MAN2A1: variants seen among roughly 807,000 people sequenced by gnomAD.
MAN2A1 encodes the protein mannosidase alpha class 2A member 1.
A neutral mutation model predicts 142.6 loss-of-function variants in MAN2A1; 76 were observed. The observed-to-expected ratio is 0.53, with a 90% CI of 0.44 to 0.65. MAN2A1 has a LOEUF of 0.65. MAN2A1 is among the 30% of genes least tolerant of loss of function. The pLI is 0.00. For missense variants in MAN2A1, 1,311 were observed against 1,365.1 expected (o/e 0.96, Z 0.62); for synonymous variants, 559 against 473.2 (o/e 1.18, Z -2.35).
At chr5:109,793,977 TC>T (rs1753799147) in intron 12 of MAN2A1, among the ~76,000 whole-genome samples, 1 of 152,194 alleles carries the variant, frequency 6.6e-6, no homozygotes. Context: ...TTTTTTCTTT[TC>T]TTATGTTATC....
intron 16 of MAN2A1, among the ~76,000 whole-genome samples, chr5:109,830,935 G>A (rs1273217843): frequency 4.6e-5 from 7 of 152,212 alleles, no homozygotes; most frequent in Admixed American, 4.6e-4. Flanking sequence ...GCAGCTGATT[G>A]TTGAAGCCAT....
chr5:109,692,341 A>G (rs532280327), intron 1 of MAN2A1, among the ~76,000 whole-genome samples: 1 of 152,284 alleles, frequency 6.6e-6, no homozygotes, highest in South Asian at 2.1e-4. Flanking sequence ...GAGGTGGAAC[A>G]TTTTGCATTT....
At chr5:109,833,890 T>C (rs1254503523) in intron 16 of MAN2A1, among the ~76,000 whole-genome samples, 2 of 152,190 alleles carry the variant, frequency 1.3e-5, no homozygotes, top group Non-Finnish European at 2.9e-5. Flanking sequence ...AAGCAAGCAA[T>C]TGGAAACCAT....
At chr5:109,805,301 G>A (rs1340171391) in intron 12 of MAN2A1, among the ~76,000 whole-genome samples, 1 of 152,116 alleles carries the variant, frequency 6.6e-6, no homozygotes. Flanking sequence ...TTTCTGTTGT[G>A]TACTGGAAAT....
intron 12 of MAN2A1, among the ~76,000 whole-genome samples, chr5:109,796,698 C>G (rs988487668): frequency 1.3e-5 from 2 of 152,166 alleles, no homozygotes; most frequent in Non-Finnish European, 2.9e-5. Context: ...GAAGCCTTCC[C>G]TTTGTTCAGA....
chr5:109,699,443 T>C (rs1020964212), intron 1 of MAN2A1: 11 of 152,224 alleles, frequency 7.2e-5, no homozygotes, highest in Non-Finnish European at 1.5e-4. Flanking sequence ...CATGTAGTTT[T>C]GAAAATTGCA....
At chr5:109,836,314 G>A (rs1299543168) in intron 16 of MAN2A1, among the ~76,000 whole-genome samples, 6 of 151,546 alleles carry the variant, frequency 4.0e-5, no homozygotes, top group Admixed American at 6.6e-5. Context: ...ACAGTGTTTC[G>A]CTATGTTGGG....
In MAN2A1 at chr5:109,824,428, G is replaced by A. The variant is rs1016700782; in HGVS notation, c.2566+591G>A. ...CCCTGGGCAATGGAACTGATTCCAT[G>A]GGGTCTGAGTGGAGCTGTGGTTTCC... On this transcript the variant is annotated intron_variant, in intron 16 of 21. Transcript: ENST00000261483. Among the ~76,000 whole-genome samples the A allele has an allele frequency of 3.3e-5, 5 of 152,282 alleles. No individual in the cohort carries two copies. In the East Asian group the frequency reaches 9.6e-4, roughly 29 times the overall value.
At chr5:109,723,571 T>A (rs1347617924) in intron 3 of MAN2A1, among the ~76,000 whole-genome samples, 1 of 152,214 alleles carries the variant, frequency 6.6e-6, no homozygotes, top group Non-Finnish European at 1.5e-5. Flanking sequence ...TTTCTCTGCT[T>A]CTACTTTGCC....
intron 3 of MAN2A1, among the ~76,000 whole-genome samples, chr5:109,728,772 A>G (rs1751818149): frequency 6.6e-6 from 1 of 152,152 alleles, no homozygotes; most frequent in Non-Finnish European, 1.5e-5. Context: ...TTTGGGAACA[A>G]ATGCCTGTAT....
intron 12 of MAN2A1, among the ~76,000 whole-genome samples, chr5:109,805,628 C>G (rs939597773): frequency 2.0e-5 from 3 of 152,170 alleles, no homozygotes; most frequent in Non-Finnish European, 4.4e-5. Flanking sequence ...AGGACTGATT[C>G]TAGCCCCATC....
chr5:109,735,474 T>G (rs1207696769), intron 4 of MAN2A1, among the ~76,000 whole-genome samples: 1 of 152,206 alleles, frequency 6.6e-6, no homozygotes, highest in Non-Finnish European at 1.5e-5. Context: ...GCCTCGATGG[T>G]CTTTACAATT....
rs758662846 is a variant in MAN2A1 at position 109,774,969 on chromosome 5, A to T, written c.1374+4A>T. The T allele has an allele frequency of 6.4e-7, 1 of 1,568,346 alleles. No individual in the cohort carries two copies. The highest frequency in any genetic ancestry group is 1.2e-5 in the South Asian group (1 of 86,432). Reference sequence around the variant, plus strand: ...TCAGTCCAAGTTTAAAGTTAAGGTAAGGAGAAAATATTTATGATTCCGTAT... The same window carrying T: ...TCAGTCCAAGTTTAAAGTTAAGGTATGGAGAAAATATTTATGATTCCGTAT... On this transcript the variant is annotated splice_donor_region_variant and intron_variant, in intron 8 of 21. Coordinates refer to ENST00000261483, the MANE Select transcript of MAN2A1 (RefSeq NM_002372.4).
chr5:109,745,979 TG>T (rs1752393815), intron 4 of MAN2A1, among the ~76,000 whole-genome samples: 1 of 152,204 alleles, frequency 6.6e-6, no homozygotes, highest in African/African-American at 2.4e-5. Flanking sequence ...TACTTTTTTT[TG>T]TTTGTTTTGT....
chr5:109,809,984 A>G (rs1050309090), intron 12 of MAN2A1, among the ~76,000 whole-genome samples: 1 of 151,742 alleles, frequency 6.6e-6, no homozygotes, highest in Non-Finnish European at 1.5e-5. Flanking sequence ...AAATATATTT[A>G]TTCTGCTATT....
intron 3 of MAN2A1, among the ~76,000 whole-genome samples, chr5:109,728,999 A>T (rs1459391791): frequency 6.7e-6 from 1 of 149,930 alleles, no homozygotes; most frequent in Non-Finnish European, 1.5e-5. Context: ...TTAGATTTTT[A>T]AAATTCAAAA....
chr5:109,769,462 A>G (rs1282394342), intron 6 of MAN2A1, among the ~76,000 whole-genome samples: 1 of 152,144 alleles, frequency 6.6e-6, no homozygotes, highest in Non-Finnish European at 1.5e-5. Flanking sequence ...GTACATACTC[A>G]TTGCTGAAAA....
intron 4 of MAN2A1, among the ~76,000 whole-genome samples, chr5:109,749,446 T>C (rs1752490784): frequency 1.3e-5 from 2 of 152,176 alleles, no homozygotes; most frequent in African/African-American, 4.8e-5. Flanking sequence ...AACATGGTGG[T>C]ATTTTAATGT....
intron 12 of MAN2A1, 63 bp from the exon 13 acceptor site, chr5:109,817,210 A>G (rs762187774): frequency 2.9e-6 from 4 of 1,392,174 alleles, no homozygotes; most frequent in African/African-American, 1.4e-5. Context: ...ATCTACATGT[A>G]TATGTATATG....
Sources: allele counts gnomAD v4.1 joint callset (sites outside exome capture counted in the v4.1 genomes callset), GRCh38; gene constraint gnomAD v4.1.1; transcripts MANE v1.5; gene names NCBI Gene and HGNC (gene_info 2026-07-23, HGNC 2026-07-21).